The following XRCC4 variants were observed in gnomAD, a reference collection of about 807,000 sequenced individuals.
XRCC4 encodes the protein X-ray repair cross complementing 4.
Under a neutral mutation model 39.1 loss-of-function variants are expected in XRCC4, and 28 were observed. That is an observed-to-expected ratio of 0.72 (90% CI 0.53 to 0.98). The LOEUF (loss-of-function observed/expected upper bound fraction) is 0.98. XRCC4 is among the 50% of genes least tolerant of loss of function. XRCC4 has a pLI of 0.00. For synonymous variants in XRCC4, 123 were observed against 126.4 expected (o/e 0.97, Z 0.18); for missense variants, 350 against 376.4 (o/e 0.93, Z 0.58).
chr5:83,179,803 T>C (rs1750128381), intron 3 of XRCC4, among the ~76,000 whole-genome samples: 2 of 152,272 alleles, frequency 1.3e-5, no homozygotes, highest in South Asian at 4.1e-4. Flanking sequence ...ACCTGGATTA[T>C]AAGGTGATGA....
intron 3 of XRCC4, among the ~76,000 whole-genome samples, chr5:83,172,403 G>C (rs1749770676): frequency 6.6e-6 from 1 of 152,110 alleles, no homozygotes; most frequent in Admixed American, 6.6e-5. Context: ...AATAGGTTTG[G>C]TTATTGGAAG....
intron 7 of XRCC4, among the ~76,000 whole-genome samples, chr5:83,322,178 C>T (rs569567816): frequency 2.7e-4 from 41 of 151,516 alleles, no homozygotes; most frequent in Non-Finnish European, 4.3e-4. Context: ...TGCATAACTC[C>T]GGAATATTGT....
chr5:83,362,316 A>C, the XRCC4 span, among the ~76,000 whole-genome samples: 496 of 145,974 alleles, frequency 3.4e-3, 5 homozygotes, highest in African/African-American at 0.013. Flanking sequence ...AAAAAAAAAA[A>C]AACTATCTCA....
chr5:83,254,354 C>G (rs142876627), intron 6 of XRCC4, among the ~76,000 whole-genome samples: 116 of 152,280 alleles, frequency 7.6e-4, no homozygotes, highest in African/African-American at 2.6e-3. Context: ...ATTTCCTGCA[C>G]CTTTCATGCA....
chr5:83,254,994 G>A (rs192776393), intron 6 of XRCC4, among the ~76,000 whole-genome samples: 30 of 151,948 alleles, frequency 2.0e-4, no homozygotes, highest in African/African-American at 7.2e-4. Context: ...GCCCGAGGCA[G>A]GAGAGTTGTT....
At chr5:83,309,502 C>T (rs1284385960) in intron 7 of XRCC4, among the ~76,000 whole-genome samples, 3 of 150,890 alleles carry the variant, frequency 2.0e-5, no homozygotes, top group Non-Finnish European at 3.0e-5. Context: ...TGGCTCACGC[C>T]TGTAATCCCA....
At position 83,212,268 on chromosome 5, in the gene XRCC4, A is replaced by G. The variant is rs79747651; in HGVS notation, c.745+7347A>G. 1.8e-4 allele frequency among the ~76,000 whole-genome samples: 28 copies of G among 152,320 alleles called. No individual in the cohort carries two copies. In the East Asian group the frequency reaches 5.0e-3, roughly 27 times the overall value. ...AATAAGGAGATAGAAATTATTTGAA[A>G]TGAACAATATGAAAATTCTGAATTT... On this transcript the variant is annotated intron_variant, in intron 6 of 7. Coordinates refer to ENST00000396027, the MANE Select transcript of XRCC4 (RefSeq NM_003401.5).
intron 6 of XRCC4, among the ~76,000 whole-genome samples, chr5:83,245,752 G>A (rs1580418672): frequency 6.6e-6 from 1 of 152,006 alleles, no homozygotes; most frequent in South Asian, 2.1e-4. Flanking sequence ...TTTGATCAGG[G>A]AAGATAATAC....
In XRCC4 at chr5:83,184,380, T is replaced by A. The variant is rs1378959897; in HGVS notation, c.316-11390T>A. The stretch of plus-strand genomic sequence containing the variant: ...AATAATGCCTTTTAACCAATCATGC[T>A]ATTTCATCAAATAAATTTAGTTCAG... On this transcript the variant is annotated intron_variant, in intron 3 of 7. Transcript: ENST00000396027. Among the ~76,000 whole-genome samples the A allele has an allele frequency of 3.3e-5, 5 of 152,202 alleles. No individual in the cohort carries two copies. In the South Asian group the frequency reaches 1.0e-3, roughly 32 times the overall value.
At chr5:83,219,040 G>A (rs1314348701) in intron 6 of XRCC4, among the ~76,000 whole-genome samples, 1 of 152,044 alleles carries the variant, frequency 6.6e-6, no homozygotes, top group Non-Finnish European at 1.5e-5. Flanking sequence ...TTTCTTCTGA[G>A]GGCTTTGAGG....
At chr5:83,347,312 A>G (rs1756945953) in intron 7 of XRCC4, among the ~76,000 whole-genome samples, 2 of 152,182 alleles carry the variant, frequency 1.3e-5, no homozygotes, top group South Asian at 4.1e-4. Flanking sequence ...TCACACTGCT[A>G]TAAAGACATG....
chr5:83,109,345 C>G (rs1344207599), intron 2 of XRCC4, among the ~76,000 whole-genome samples: 1 of 151,898 alleles, frequency 6.6e-6, no homozygotes, highest in African/African-American at 2.4e-5. Flanking sequence ...CCCAGCTTCA[C>G]TAGTTACTTA....
At position 83,195,869 on chromosome 5, in the gene XRCC4, G is replaced by A. The variant is rs370037164; in HGVS notation, c.415G>A (p.Ala139Thr). The A allele has an allele frequency of 6.2e-7, 1 of 1,611,728 alleles. No homozygotes were observed. The highest frequency in any genetic ancestry group is 8.5e-7 in the Non-Finnish European group (1 of 1,178,596). ...CTTGGACACCATTGCAGAAAATCAAGCCAAAAATGAGCACCTGCAGAAAGA... is the reference window on the plus strand; with the variant it reads ...CTTGGACACCATTGCAGAAAATCAAACCAAAAATGAGCACCTGCAGAAAGA... ...YCLDTIAENQ[A>T]KNEHLQKENE... Residue 139 changes from alanine to threonine, a missense_variant, in exon 4 of 8, where the codon GCC (alanine) becomes ACC (threonine). Transcript: ENST00000396027.
At chr5:83,348,795 CT>C (rs1374435233) in intron 7 of XRCC4, among the ~76,000 whole-genome samples, 6 of 152,226 alleles carry the variant, frequency 3.9e-5, no homozygotes, top group Non-Finnish European at 7.3e-5. Context: ...TAATATTCTG[CT>C]TTCCTTTTAA....
chr5:83,300,389 A>C (rs1426910341), intron 7 of XRCC4, among the ~76,000 whole-genome samples: 2 of 152,130 alleles, frequency 1.3e-5, no homozygotes. Context: ...TATTAGCTGA[A>C]CACCTAACCT....
intron 7 of XRCC4, among the ~76,000 whole-genome samples, chr5:83,262,119 A>C (rs975061765): frequency 1.7e-4 from 26 of 152,144 alleles, no homozygotes; most frequent in African/African-American, 5.1e-4. Flanking sequence ...TTTATATGTT[A>C]TCTCTCATTT....
chr5:83,174,156 A>C (rs755095102), intron 3 of XRCC4, among the ~76,000 whole-genome samples: 1 of 152,170 alleles, frequency 6.6e-6, no homozygotes, highest in African/African-American at 2.4e-5. Context: ...CTGATTTATA[A>C]AATTATACTA....
chr5:83,218,663 A>G (rs1198719696), intron 6 of XRCC4, among the ~76,000 whole-genome samples: 1 of 152,130 alleles, frequency 6.6e-6, no homozygotes, highest in African/African-American at 2.4e-5. Context: ...AAACATTCTC[A>G]GATCTCAGAC....
chr5:83,328,004 T>A (rs1432277790), intron 7 of XRCC4, among the ~76,000 whole-genome samples: 2 of 152,108 alleles, frequency 1.3e-5, no homozygotes, highest in Non-Finnish European at 2.9e-5. Context: ...TTCATGCTGC[T>A]GATAAAGACA....
Sources: allele counts gnomAD v4.1 joint callset (sites outside exome capture counted in the v4.1 genomes callset), GRCh38; gene constraint gnomAD v4.1.1; transcripts MANE v1.5; gene names NCBI Gene and HGNC (gene_info 2026-07-23, HGNC 2026-07-21).